Variants in ELAVL4 observed in about 807,000 individuals in gnomAD.
ELAVL4 encodes ELAV-like protein 4.
ELAVL4 carries 1 observed loss-of-function variant against 35.6 expected under a neutral mutation model. The observed-to-expected ratio is 0.03, with a 90% CI of 0.01 to 0.13. The LOEUF (loss-of-function observed/expected upper bound fraction) is 0.13, where lower values mean the gene tolerates loss of function less well. Ranked by LOEUF, ELAVL4 falls within the 10% of genes least tolerant of loss-of-function variation. The pLI is 1.00. For synonymous variants in ELAVL4, 156 were observed against 171.0 expected (o/e 0.91, Z 0.69); for missense variants, 267 against 464.9 (o/e 0.57, Z 3.91).
intron 1 of ELAVL4, among the ~76,000 whole-genome samples, chr1:50,065,019 G>A (rs1664191253): frequency 6.6e-6 from 1 of 152,058 alleles, no homozygotes; most frequent in Non-Finnish European, 1.5e-5. Flanking sequence ...TGGCAATTAA[G>A]CCTTAAGGAA....
intron 1 of ELAVL4, among the ~76,000 whole-genome samples, chr1:50,087,653 G>C (rs1273042742): frequency 6.6e-6 from 1 of 152,060 alleles, no homozygotes; most frequent in Non-Finnish European, 1.5e-5. Flanking sequence ...ACTGTATTTG[G>C]ACATAAGGCT....
At position 50,077,458 on chromosome 1, in the gene ELAVL4, C is replaced by T. The variant is rs375332180; in HGVS notation, c.18+29276C>T. 4.6e-5 allele frequency among the ~76,000 whole-genome samples: 7 copies of T among 152,246 alleles called. No individual in the cohort carries two copies. In the East Asian group the frequency reaches 1.2e-3, roughly 25 times the overall value. On this transcript the variant is annotated intron_variant, in intron 1 of 6. Coordinates refer to the ELAVL4 transcript ENST00000448907. ...GTTGGCCATTTTGTTCTATTCAGGC[C>T]TTCAACTGATTGGATGAGGCCCACC...
intron 6 of ELAVL4, among the ~76,000 whole-genome samples, chr1:50,200,407 G>A (rs1403851977): frequency 6.6e-6 from 1 of 151,898 alleles, no homozygotes; most frequent in Non-Finnish European, 1.5e-5. Context: ...CACTATATCT[G>A]TGAGATTCCC....
chr1:50,119,034 GAAA>G (rs565437769), intron 1 of ELAVL4, among the ~76,000 whole-genome samples: 1 of 87,580 alleles, frequency 1.1e-5, no homozygotes, highest in Non-Finnish European at 2.3e-5. Flanking sequence ...AAGAAAGAAA[GAAA>G]AAGAAAGAAA....
intron 5 of ELAVL4, 32 bp downstream of exon 5, chr1:50,195,818 T>C: frequency 6.2e-7 from 1 of 1,611,642 alleles, no homozygotes; most frequent in African/African-American, 1.3e-5. Flanking sequence ...GAAGCCCTGC[T>C]ACAGGGGTTC....
chr1:50,061,128 G>T (rs1420631231), intron 1 of ELAVL4, among the ~76,000 whole-genome samples: 3 of 152,212 alleles, frequency 2.0e-5, no homozygotes, highest in Non-Finnish European at 4.4e-5. Context: ...AGGTCCTTAT[G>T]ATGCTCTGCG....
At chr1:50,081,790 T>C (rs1178257779) in intron 1 of ELAVL4, among the ~76,000 whole-genome samples, 1 of 152,204 alleles carries the variant, frequency 6.6e-6, no homozygotes, top group Non-Finnish European at 1.5e-5. Context: ...CAACCCGTCA[T>C]CTACATTAGG....
intron 2 of ELAVL4, among the ~76,000 whole-genome samples, chr1:50,168,633 T>C (rs983941164): frequency 3.3e-5 from 5 of 152,140 alleles, no homozygotes; most frequent in Non-Finnish European, 5.9e-5. Context: ...GTTCTCCACA[T>C]ACAGTCAAAG....
intron 2 of ELAVL4, among the ~76,000 whole-genome samples, chr1:50,172,321 C>A (rs1406654311): frequency 6.6e-6 from 1 of 152,190 alleles, no homozygotes; most frequent in Non-Finnish European, 1.5e-5. Context: ...AAATGCTTAA[C>A]ACAAACTACT....
At chr1:50,161,227 G>T (rs1441669821) in intron 2 of ELAVL4, among the ~76,000 whole-genome samples, 1 of 152,054 alleles carries the variant, frequency 6.6e-6, no homozygotes, top group East Asian at 1.9e-4. Flanking sequence ...CTGGCTAGCT[G>T]GGAGTTTGCC....
chr1:50,176,607 C>T (rs1680080018), intron 2 of ELAVL4, among the ~76,000 whole-genome samples: 1 of 152,242 alleles, frequency 6.6e-6, no homozygotes, highest in Non-Finnish European at 1.5e-5. Context: ...CTCTCACTCT[C>T]TCAAACCTAC....
intron 1 of ELAVL4, among the ~76,000 whole-genome samples, chr1:50,089,095 G>A (rs72688503): frequency 0.057 from 8,667 of 152,164 alleles, 357 homozygotes; most frequent in Non-Finnish European, 0.085. Flanking sequence ...AATATTATCC[G>A]CCATTCTGCC....
At chr1:50,159,709 A>G (rs982416916) in intron 2 of ELAVL4, among the ~76,000 whole-genome samples, 2 of 152,208 alleles carry the variant, frequency 1.3e-5, no homozygotes, top group Non-Finnish European at 1.5e-5. Context: ...GCATTACCCA[A>G]GGAACCCTTT....
intron 1 of ELAVL4, among the ~76,000 whole-genome samples, chr1:50,075,009 T>G (rs1664697422): frequency 6.6e-6 from 1 of 152,152 alleles, no homozygotes; most frequent in African/African-American, 2.4e-5. Flanking sequence ...ATGAAGGAAA[T>G]GAATTAGATT....
At chr1:50,066,266 T>A (rs1433683470) in intron 1 of ELAVL4, among the ~76,000 whole-genome samples, 1 of 152,234 alleles carries the variant, frequency 6.6e-6, no homozygotes, top group Non-Finnish European at 1.5e-5. Context: ...GAGTTAAGGA[T>A]GTTTTAGCCT....
At chr1:50,075,938 A>G (rs1422319537) in intron 1 of ELAVL4, among the ~76,000 whole-genome samples, 1 of 151,868 alleles carries the variant, frequency 6.6e-6, no homozygotes. Flanking sequence ...AGCGATTCTC[A>G]TGCCTCAGCC....
At chr1:50,181,813 A>G (rs756661538) in intron 3 of ELAVL4, among the ~76,000 whole-genome samples, 4 of 152,112 alleles carry the variant, frequency 2.6e-5, no homozygotes, top group Non-Finnish European at 5.9e-5. Context: ...CCTCTGGGGT[A>G]GCTGGGATTA....
chr1:50,087,159 T>C (rs1461400776), intron 1 of ELAVL4, among the ~76,000 whole-genome samples: 1 of 152,230 alleles, frequency 6.6e-6, no homozygotes, highest in East Asian at 1.9e-4. Context: ...ATAATCTTTT[T>C]CTAATCACTG....
chr1:50,193,909 C>G lies in ELAVL4; in HGVS notation c.499C>G (p.Gln167Glu). 1 of 1,613,994 alleles carries G rather than the reference C, an allele frequency of 6.2e-7. No homozygotes were observed. Among genetic ancestry groups the G allele is most frequent in the Non-Finnish European group, 8.5e-7 (1 of 1,179,922 alleles). Residue 167 changes from glutamine to glutamate, a missense_variant, in exon 4 of 7, where the codon CAA becomes GAA. Transcript: ENST00000371824. ...CATCACCTCACGAATCCTGGTTGAT[C>G]AAGTCACAGGTTAAGTGTTTCTTTG... ...RIITSRILVD[Q>E]VTGVSRGVGF...
Sources: gnomAD v4.1 joint callset for allele counts (sites outside exome capture counted in the v4.1 genomes callset) on GRCh38, gnomAD v4.1.1 for gene constraint, MANE v1.5 for transcripts, NCBI Gene and HGNC (gene_info 2026-07-23, HGNC 2026-07-21) for gene names.